The following UNC5C variants were observed in gnomAD, a reference collection of about 807,000 sequenced individuals.
UNC5C encodes netrin receptor UNC5C.
UNC5C carries 47 observed loss-of-function variants against 99.8 expected under a neutral mutation model. That is an observed-to-expected ratio of 0.47 (90% CI 0.37 to 0.60). UNC5C has a LOEUF of 0.60. Ranked by LOEUF, UNC5C falls within the 20% of genes least tolerant of loss-of-function variation. The pLI is 0.00. For missense variants in UNC5C, 1,062 were observed against 1,165.9 expected (o/e 0.91, Z 1.30); for synonymous variants, 487 against 452.2 (o/e 1.08, Z -0.98).
chr4:95,220,985 CCA>C (rs1738449536), intron 7 of UNC5C, among the ~76,000 whole-genome samples: 1 of 152,078 alleles, frequency 6.6e-6, no homozygotes. Context: ...TCAGACTACC[CCA>C]GAAGGCAAAT....
At chr4:95,257,637 A>G (rs1050884522) in intron 4 of UNC5C, among the ~76,000 whole-genome samples, 14 of 152,206 alleles carry the variant, frequency 9.2e-5, no homozygotes, top group Admixed American at 9.2e-4. Context: ...AATGATTCAG[A>G]TTTGGCTGAT....
At chr4:95,213,036 C>T (rs766544261) in intron 10 of UNC5C, among the ~76,000 whole-genome samples, 8 of 152,190 alleles carry the variant, frequency 5.3e-5, no homozygotes, top group African/African-American at 9.6e-5. Context: ...GCACTGTCAC[C>T]GGATCAATCT....
intron 12 of UNC5C, among the ~76,000 whole-genome samples, chr4:95,192,100 G>C (rs1328106114): frequency 1.3e-5 from 1 of 75,202 alleles, no homozygotes; most frequent in South Asian, 5.2e-4. Context: ...TTCCTCCCCT[G>C]CTCACTTCCT....
chr4:95,324,281 G>A (rs1742807584), intron 2 of UNC5C, among the ~76,000 whole-genome samples: 2 of 152,196 alleles, frequency 1.3e-5, no homozygotes, highest in South Asian at 2.1e-4. Context: ...ACATGCAAGG[G>A]ATATAGGTTG....
At chr4:95,250,055 G>T (rs1377735158) in intron 5 of UNC5C, among the ~76,000 whole-genome samples, 1 of 152,042 alleles carries the variant, frequency 6.6e-6, no homozygotes, top group Admixed American at 6.6e-5. Context: ...AGAGAAGAGG[G>T]CTTATAGAAG....
chr4:95,362,449 A>G (rs1278795331), intron 1 of UNC5C, among the ~76,000 whole-genome samples: 4 of 152,182 alleles, frequency 2.6e-5, no homozygotes, highest in Non-Finnish European at 5.9e-5. Context: ...GCATGGAGCA[A>G]CACAAAGAAA....
chr4:95,404,324 A>C (rs1427749518), intron 1 of UNC5C, among the ~76,000 whole-genome samples: 1 of 152,092 alleles, frequency 6.6e-6, no homozygotes, highest in Non-Finnish European at 1.5e-5. Context: ...GATGAAACTC[A>C]TTTCATTTCT....
intron 1 of UNC5C, among the ~76,000 whole-genome samples, chr4:95,398,844 T>A (rs562013910): frequency 6.6e-5 from 10 of 152,336 alleles, no homozygotes; most frequent in African/African-American, 2.4e-4. Flanking sequence ...CAGTGAATTC[T>A]ACATGGGAAT....
At chr4:95,226,085 A>AAAT (rs1738676787) in intron 7 of UNC5C, among the ~76,000 whole-genome samples, 1 of 152,238 alleles carries the variant, frequency 6.6e-6, no homozygotes, top group Non-Finnish European at 1.5e-5. Context: ...CAATAATGAA[A>AAAT]AATAACATCT....
chr4:95,402,877 C>T (rs1239353180), intron 1 of UNC5C, among the ~76,000 whole-genome samples: 3 of 152,170 alleles, frequency 2.0e-5, no homozygotes, highest in Non-Finnish European at 2.9e-5. Context: ...AATTAAGAAA[C>T]TAATAAGTCT....
At chr4:95,338,160 C>G (rs1307258923) in intron 1 of UNC5C, among the ~76,000 whole-genome samples, 1 of 152,008 alleles carries the variant, frequency 6.6e-6, no homozygotes, top group Non-Finnish European at 1.5e-5. Flanking sequence ...TCTCCACATA[C>G]AAAAATGAGC....
intron 10 of UNC5C, among the ~76,000 whole-genome samples, chr4:95,209,993 A>G (rs1738021226): frequency 6.6e-6 from 1 of 152,178 alleles, no homozygotes; most frequent in Non-Finnish European, 1.5e-5. Context: ...GGGATTGGAG[A>G]CATCTATCTC....
intron 1 of UNC5C, among the ~76,000 whole-genome samples, chr4:95,470,727 G>A (rs1254480294): frequency 2.0e-5 from 3 of 152,070 alleles, no homozygotes; most frequent in African/African-American, 7.2e-5. Context: ...ATAACTAGAG[G>A]AGGAAAAGAA....
At chr4:95,521,165 A>G (rs1433832403) in intron 1 of UNC5C, among the ~76,000 whole-genome samples, 2 of 150,142 alleles carry the variant, frequency 1.3e-5, no homozygotes, top group African/African-American at 4.9e-5. Context: ...TCCTTGGTAC[A>G]TACAGAAAGA....
intron 7 of UNC5C, among the ~76,000 whole-genome samples, chr4:95,232,275 AT>A (rs1738942159): frequency 6.7e-6 from 1 of 148,936 alleles, no homozygotes; most frequent in African/African-American, 2.5e-5. Context: ...TATAAAACAT[AT>A]TATATATGTT....
chr4:95,525,857 A>G (rs1450684336), intron 1 of UNC5C, among the ~76,000 whole-genome samples: 3 of 152,142 alleles, frequency 2.0e-5, no homozygotes, highest in African/African-American at 7.2e-5. Context: ...AATAGATTCT[A>G]GGTTTGTCTT....
At chr4:95,251,285 A>AT (rs548037371) in intron 4 of UNC5C, among the ~76,000 whole-genome samples, 3 of 151,842 alleles carry the variant, frequency 2.0e-5, no homozygotes, top group East Asian at 1.9e-4. Flanking sequence ...TCTAAGCCAA[A>AT]TTTTTTTTTA....
chr4:95,343,581 G>A (rs754025942), intron 1 of UNC5C, among the ~76,000 whole-genome samples: 6 of 151,972 alleles, frequency 3.9e-5, no homozygotes, highest in East Asian at 1.9e-4. Context: ...TGACCATGCC[G>A]AGAAAATTAA....
In UNC5C at chr4:95,185,211, C is replaced by T; in HGVS notation, c.2137-15G>A. On this transcript the variant is annotated splice_polypyrimidine_tract_variant and intron_variant, in intron 12 of 15. Transcript: ENST00000453304. ...TGTAAAATTTCCTATAATGACATGC[C>T]CCAAACCCAAAGCACGTTATTGATT... 6.3e-7 allele frequency: 1 copy of T among 1,593,132 alleles called. No homozygotes were observed. The highest frequency in any genetic ancestry group is 8.5e-7 in the Non-Finnish European group (1 of 1,172,248).
Sources: allele counts gnomAD v4.1 joint callset (sites outside exome capture counted in the v4.1 genomes callset), GRCh38; gene constraint gnomAD v4.1.1; transcripts MANE v1.5; gene names NCBI Gene and HGNC (gene_info 2026-07-23, HGNC 2026-07-21).